ZBTB20: variants seen among roughly 807,000 people sequenced by gnomAD.
ZBTB20 encodes zinc finger and BTB domain containing 20, also known as zinc finger and BTB domain-containing protein 20.
ZBTB20 carries 9 observed loss-of-function variants against 56.9 expected under a neutral mutation model. The observed-to-expected ratio is 0.16, with a 90% CI of 0.10 to 0.28. The LOEUF is 0.28. Among genes scored for constraint, ZBTB20 ranks in the 10% least tolerant of loss-of-function variants. The probability of loss-of-function intolerance (pLI) is 1.00; values close to 1 mark genes in which losing one functional copy is unlikely to be tolerated. For synonymous variants in ZBTB20, 417 were observed against 420.7 expected (o/e 0.99, Z 0.11); for missense variants, 655 against 1,003.0 (o/e 0.65, Z 4.69).
intron 5 of ZBTB20, among the ~76,000 whole-genome samples, chr3:114,739,831 C>T (rs1002339536): frequency 6.6e-5 from 10 of 152,202 alleles, no homozygotes; most frequent in African/African-American, 2.4e-4. Context: ...CTGTGCTTAT[C>T]AGCTTGCTCC....
intron 1 of ZBTB20, among the ~76,000 whole-genome samples, chr3:115,095,920 T>C (rs1576767132): frequency 6.6e-6 from 1 of 152,308 alleles, no homozygotes; most frequent in African/African-American, 2.4e-5. Context: ...TTAGCTATAG[T>C]TCCTGGAGAT....
At chr3:115,092,854 A>C (rs1246459820) in intron 1 of ZBTB20, among the ~76,000 whole-genome samples, 1 of 152,130 alleles carries the variant, frequency 6.6e-6, no homozygotes, top group Non-Finnish European at 1.5e-5. Flanking sequence ...GCTAAGAAAA[A>C]TCATCACAAA....
chr3:115,126,682 C>T (rs2084342838), intron 1 of ZBTB20, among the ~76,000 whole-genome samples: 1 of 151,974 alleles, frequency 6.6e-6, no homozygotes, highest in African/African-American at 2.4e-5. Flanking sequence ...TGACCATCTG[C>T]AGGAGTAATA....
At chr3:115,076,054 G>A (rs2082583550) in intron 1 of ZBTB20, among the ~76,000 whole-genome samples, 1 of 151,910 alleles carries the variant, frequency 6.6e-6, no homozygotes, top group African/African-American at 2.4e-5. Flanking sequence ...AAAATAGGAA[G>A]ACAATTAAGG....
At chr3:115,054,154 T>C (rs992104829) in intron 2 of ZBTB20, among the ~76,000 whole-genome samples, 1 of 152,008 alleles carries the variant, frequency 6.6e-6, no homozygotes, top group African/African-American at 2.4e-5. Flanking sequence ...ACTAAACTTA[T>C]GAAGAAACAA....
chr3:115,076,226 C>T (rs2082588549), intron 1 of ZBTB20, among the ~76,000 whole-genome samples: 2 of 152,074 alleles, frequency 1.3e-5, no homozygotes, highest in African/African-American at 4.8e-5. Flanking sequence ...TCACATGGAA[C>T]CACAAATACC....
chr3:114,613,889 G>A (rs1046201545), intron 6 of ZBTB20, among the ~76,000 whole-genome samples: 2 of 152,044 alleles, frequency 1.3e-5, no homozygotes, highest in Non-Finnish European at 1.5e-5. Flanking sequence ...TGTTTATTGA[G>A]TGCTTATTAT....
rs148373705 is a variant in ZBTB20, at chr3:114,866,946, C to G, written c.-417+33358G>C. On this transcript the variant is annotated intron_variant, in intron 4 of 11. Coordinates refer to ENST00000675478, the MANE Select transcript of ZBTB20 (RefSeq NM_001348800.3). ...TGAGTCAATTCCTTATAAAACATCTCTTCTATACAGGTATACATTTTATTA... is the reference window on the plus strand; with the variant it reads ...TGAGTCAATTCCTTATAAAACATCTGTTCTATACAGGTATACATTTTATTA... Among the ~76,000 whole-genome samples the G allele has an allele frequency of 9.2e-5, 14 of 152,268 alleles. No individual in the cohort carries two copies. In the East Asian group the frequency reaches 2.7e-3, roughly 29 times the overall value.
chr3:114,381,673 G>C (rs2084357975), intron 8 of ZBTB20, among the ~76,000 whole-genome samples: 1 of 152,210 alleles, frequency 6.6e-6, no homozygotes, highest in African/African-American at 2.4e-5. Context: ...TAATGTACTT[G>C]TTATGCAGAA....
intron 6 of ZBTB20, among the ~76,000 whole-genome samples, chr3:114,573,651 C>T (rs925716637): frequency 2.6e-5 from 4 of 151,686 alleles, no homozygotes; most frequent in Admixed American, 1.3e-4. Flanking sequence ...AGGCTAATCA[C>T]TTAAGGCAAA....
At chr3:114,438,758 A>G (rs1035655879) in intron 7 of ZBTB20, among the ~76,000 whole-genome samples, 1 of 152,176 alleles carries the variant, frequency 6.6e-6, no homozygotes, top group Non-Finnish European at 1.5e-5. Flanking sequence ...AGGGCTCCTT[A>G]TTAAAAAATT....
intron 7 of ZBTB20, among the ~76,000 whole-genome samples, chr3:114,449,383 G>A (rs889959894): frequency 6.6e-6 from 1 of 152,130 alleles, no homozygotes; most frequent in East Asian, 1.9e-4. Flanking sequence ...AACAGCTAAT[G>A]AGTAAGTACA....
At chr3:114,388,969 C>T (rs1301019827) in intron 8 of ZBTB20, 36 bp downstream of exon 8, 2 of 152,070 alleles carry the variant, frequency 1.3e-5, no homozygotes, top group Admixed American at 1.3e-4. Flanking sequence ...ACAAAGTGAA[C>T]TAAGAAGCCT....
intron 10 of ZBTB20, among the ~76,000 whole-genome samples, chr3:114,371,873 T>G (rs1318854354): frequency 6.6e-6 from 1 of 151,644 alleles, no homozygotes; most frequent in Non-Finnish European, 1.5e-5. Context: ...CTGGCACACA[T>G]TCCTCAGAGA....
rs2733404 is a variant in ZBTB20, at chr3:114,400,846, G to T, written c.-254-11741C>A. ...AGCCTCCTCTCCTGATAACCTAAGT[G>T]CTCTGATTGAAAGGCAGAGGGTATC... On this transcript the variant is annotated intron_variant, in intron 7 of 11. Coordinates refer to ENST00000675478, the MANE Select transcript of ZBTB20 (RefSeq NM_001348800.3). Among the ~76,000 whole-genome samples, 657 of 152,188 alleles carry T rather than the reference G, an allele frequency of 4.3e-3. 4 individuals are homozygous for T. The highest frequency in any genetic ancestry group is 0.015 in the African/African-American group (611 of 41,528).
At chr3:114,537,698 G>T (rs558634473) in intron 6 of ZBTB20, among the ~76,000 whole-genome samples, 2 of 152,268 alleles carry the variant, frequency 1.3e-5, no homozygotes, top group African/African-American at 4.8e-5. Context: ...TATGTTTATT[G>T]CAGCACTATT....
At chr3:114,969,704 G>A (rs1193155391) in intron 3 of ZBTB20, among the ~76,000 whole-genome samples, 1 of 152,226 alleles carries the variant, frequency 6.6e-6, no homozygotes, top group East Asian at 1.9e-4. Context: ...TCTATTGGAT[G>A]AGACAAATAT....
intron 4 of ZBTB20, among the ~76,000 whole-genome samples, chr3:114,812,332 G>A (rs186986702): frequency 0.012 from 1,751 of 151,758 alleles, 16 homozygotes; most frequent in South Asian, 0.042. Context: ...CAGATTAGCT[G>A]GATACAGAGT....
chr3:114,775,751 T>C (rs773464439), intron 5 of ZBTB20, among the ~76,000 whole-genome samples: 23 of 152,332 alleles, frequency 1.5e-4, no homozygotes, highest in Non-Finnish European at 2.4e-4. Context: ...GGTACAGTTT[T>C]CCTGAATGGA....
Sources: allele counts gnomAD v4.1 joint callset (sites outside exome capture counted in the v4.1 genomes callset), GRCh38; gene constraint gnomAD v4.1.1; transcripts MANE v1.5; gene names NCBI Gene and HGNC (gene_info 2026-07-23, HGNC 2026-07-21).